The following PIAS2 variants were observed in gnomAD, a reference collection of about 807,000 sequenced individuals.
The protein encoded by PIAS2 is E3 SUMO-protein ligase PIAS2.
A neutral mutation model predicts 69.7 loss-of-function variants in PIAS2; 19 were observed. The ratio of observed to expected loss-of-function variants is 0.27; its 90% CI spans 0.19 to 0.40. PIAS2 has a LOEUF of 0.40. Among genes scored for constraint, PIAS2 ranks in the 10% least tolerant of loss-of-function variants. The pLI, the probability that PIAS2 is intolerant of heterozygous loss-of-function variation, is 1.00. For missense variants in PIAS2, 624 were observed against 757.0 expected (o/e 0.82, Z 2.06); for synonymous variants, 261 against 263.2 (o/e 0.99, Z 0.08).
At chr18:46,908,777 G>C (rs1248715821) in intron 1 of PIAS2, among the ~76,000 whole-genome samples, 2 of 152,194 alleles carry the variant, frequency 1.3e-5, no homozygotes, top group African/African-American at 4.8e-5. Context: ...GGGAGACCAA[G>C]GTGGGCAGAT....
At chr18:46,816,035 T>C (rs2041488916) in intron 12 of PIAS2, 1 of 983,652 alleles carries the variant, frequency 1.0e-6, no homozygotes, top group Admixed American at 6.1e-5. Context: ...TAACAATAAA[T>C]AAAATTTTTA....
At chr18:46,861,954 A>G (rs893082857) in intron 3 of PIAS2, among the ~76,000 whole-genome samples, 1 of 152,212 alleles carries the variant, frequency 6.6e-6, no homozygotes, top group African/African-American at 2.4e-5. Context: ...ATGGTGATAT[A>G]AGATTTAATA....
chr18:46,841,343 T>C (rs958894010), intron 8 of PIAS2, among the ~76,000 whole-genome samples: 1 of 152,204 alleles, frequency 6.6e-6, no homozygotes, highest in Non-Finnish European at 1.5e-5. Context: ...TCTCTTGTTT[T>C]TGCCAAATAA....
chr18:46,846,480 C>G (rs2046179282), intron 6 of PIAS2: 2 of 348,132 alleles, frequency 5.7e-6, no homozygotes, highest in Non-Finnish European at 1.0e-5. Flanking sequence ...TATAAATATG[C>G]ATATTTCCTT....
chr18:46,821,685 C>T (rs1424812143), intron 11 of PIAS2, among the ~76,000 whole-genome samples: 1 of 152,106 alleles, frequency 6.6e-6, no homozygotes, highest in Non-Finnish European at 1.5e-5. Context: ...AATAAAAATG[C>T]TGGCTACCAT....
At chr18:46,844,277 G>A (rs2045852454) in intron 7 of PIAS2, 150 bp from the exon 8 acceptor site, 1 of 407,430 alleles carries the variant, frequency 2.5e-6, no homozygotes, top group Admixed American at 4.4e-5. Context: ...AAAGAATTAT[G>A]AACATGCAAA....
In PIAS2 at chr18:46,917,397, G is replaced by A. The variant is rs2058102660; in HGVS notation, c.-52C>T. ...CGCTGCCGCCGCACCCACTCCCGCT[G>A]CCGCCAACGACGCTGCCGCCACCAC... On this transcript the variant is annotated 5_prime_UTR_variant, in exon 1 of 14. Coordinates refer to ENST00000585916, the MANE Select transcript of PIAS2 (RefSeq NM_004671.5). The A allele has an allele frequency of 4.2e-6, 6 of 1,435,086 alleles. No homozygotes were observed. The highest frequency in any genetic ancestry group is 3.2e-5 in the East Asian group (1 of 31,126). 88.9% of individuals were successfully genotyped at this position (1,435,086 alleles called of 1,614,324 possible). A position where few individuals can be genotyped will look rare whatever the true frequency, so the allele number is the denominator to read the frequency against.
rs116774824 is a variant in PIAS2 at position 46,882,786 on chromosome 18, T to C, written c.499+7794A>G. On this transcript the variant is annotated intron_variant, in intron 2 of 13. Coordinates refer to ENST00000585916, the MANE Select transcript of PIAS2 (RefSeq NM_004671.5). ...TTCCAGGAAATACTGTTAAGAAAGA[T>C]TGTCACGGTGCAAAACTCTAGGGAA... Among the ~76,000 whole-genome samples the C allele has an allele frequency of 2.8e-3, 419 of 152,238 alleles. 2 individuals carry two copies. The highest frequency in any genetic ancestry group is 9.7e-3 in the African/African-American group (404 of 41,546).
chr18:46,871,181 T>C (rs1056517605), intron 2 of PIAS2, among the ~76,000 whole-genome samples: 7 of 152,158 alleles, frequency 4.6e-5, no homozygotes, highest in South Asian at 2.1e-4. Context: ...GACTGGACTA[T>C]TGAAGAGCTT....
At chr18:46,910,729 T>G (rs181382410) in intron 1 of PIAS2, among the ~76,000 whole-genome samples, 1 of 152,368 alleles carries the variant, frequency 6.6e-6, no homozygotes. Flanking sequence ...GATTACAATC[T>G]TCTACAGGAG....
At chr18:46,833,898 T>C (rs1777982801) in intron 9 of PIAS2, among the ~76,000 whole-genome samples, 1 of 152,200 alleles carries the variant, frequency 6.6e-6, no homozygotes, top group African/African-American at 2.4e-5. Context: ...ATCTGGGTGC[T>C]AGGGTGACAT....
intron 1 of PIAS2, chr18:46,903,656 T>C (rs2056203514): frequency 6.6e-6 from 1 of 152,172 alleles, no homozygotes; most frequent in Non-Finnish European, 1.5e-5. Context: ...GTTTAGCAAG[T>C]TCTTTAAAAA....
intron 12 of PIAS2, among the ~76,000 whole-genome samples, chr18:46,820,309 C>T (rs1207577396): frequency 2.0e-5 from 3 of 152,018 alleles, no homozygotes; most frequent in Non-Finnish European, 2.9e-5. Context: ...TCTTACTATG[C>T]CTAATTTAAA....
At chr18:46,895,687 C>A (rs1044868872) in intron 1 of PIAS2, among the ~76,000 whole-genome samples, 1 of 152,028 alleles carries the variant, frequency 6.6e-6, no homozygotes, top group African/African-American at 2.4e-5. Context: ...GAATAATAAT[C>A]ATCTACATCT....
intron 9 of PIAS2, among the ~76,000 whole-genome samples, chr18:46,833,629 C>T (rs907543115): frequency 1.7e-4 from 26 of 152,076 alleles, no homozygotes; most frequent in Non-Finnish European, 2.6e-4. Context: ...TTTGAGAATG[C>T]TTTTATTCAA....
At chr18:46,853,614 C>A (rs1479628942) in intron 5 of PIAS2, 2 of 152,472 alleles carry the variant, frequency 1.3e-5, no homozygotes, top group East Asian at 1.9e-4. Flanking sequence ...CATGGTGAAA[C>A]CCTGTCCCTA....
At position 46,852,016 on chromosome 18, in the gene PIAS2, TG is replaced by T. The variant is rs1318633294; in HGVS notation, c.726+3328del. On this transcript the variant is annotated intron_variant, in intron 5 of 13. Transcript: ENST00000585916. ...TCAAATTTCTTTTGTGGCTTGTTGA[TG>T]CTTCTTAAAACTGGAACAAAGTCCC... Among the ~76,000 whole-genome samples the T allele has an allele frequency of 1.1e-4, 16 of 152,198 alleles. 1 individual carries two copies. Among genetic ancestry groups the T allele is most frequent in the Admixed American group, 1.0e-3 (16 of 15,290 alleles).
rs1439520729 is a variant in PIAS2, at chr18:46,917,166, C to A, written c.24+156G>T. ...GCCCTCCGCCGGCCCGCTCCCCTCC[C>A]CCGCGCCCTCGGCGCCCGTTCGTCC... On this transcript the variant is annotated intron_variant, in intron 1 of 13. Coordinates refer to ENST00000585916, the MANE Select transcript of PIAS2 (RefSeq NM_004671.5). The A allele has an allele frequency of 6.9e-5, 78 of 1,124,430 alleles. No homozygotes were observed. In the East Asian group the frequency reaches 2.8e-3, roughly 41 times the overall value. 69.7% of individuals were successfully genotyped at this position (1,124,430 alleles called of 1,614,324 possible).
chr18:46,910,296 G>T (rs1053787792), intron 1 of PIAS2, among the ~76,000 whole-genome samples: 3 of 152,188 alleles, frequency 2.0e-5, no homozygotes, highest in African/African-American at 7.2e-5. Context: ...CAGTGGATGT[G>T]ATCAGGAAAG....
Sources: gnomAD v4.1 joint callset for allele counts (sites outside exome capture counted in the v4.1 genomes callset) on GRCh38, gnomAD v4.1.1 for gene constraint, MANE v1.5 for transcripts, NCBI Gene and HGNC (gene_info 2026-07-23, HGNC 2026-07-21) for gene names.